Variants in PDXK observed in about 807,000 individuals in gnomAD.
The protein encoded by PDXK is pyridoxal kinase, also known as epididymis secretory sperm binding protein Li 1a.
PDXK carries 15 observed loss-of-function variants against 43.2 expected under a neutral mutation model. The observed-to-expected ratio is 0.35, with a 90% confidence interval of 0.23 to 0.53. PDXK has a LOEUF of 0.53. PDXK is among the 20% of genes least tolerant of loss of function. The pLI, the probability that PDXK is intolerant of heterozygous loss-of-function variation, is 0.92. For missense variants in PDXK, 343 were observed against 417.0 expected (o/e 0.82, Z 1.54); for synonymous variants, 172 against 165.4 (o/e 1.04, Z -0.31).
At chr21:43,731,595 C>A (rs1175094961) in intron 1 of PDXK, among the ~76,000 whole-genome samples, 1 of 152,096 alleles carries the variant, frequency 6.6e-6, no homozygotes, top group East Asian at 1.9e-4. Flanking sequence ...GGGCACCTGG[C>A]CTGTCTTTGT....
rs2276528 is a variant in PDXK at position 43,732,619 on chromosome 21, G to A, written c.88-1450G>A. On this transcript the variant is annotated intron_variant, in intron 1 of 10. Transcript: ENST00000291565. The surrounding 1 kb of genome is among the most constrained non-coding windows in gnomAD (Gnocchi z 4.1). ...CAGGATTTTCAGGATTTGTGTCATC[G>A]TTGCTTAATATCTGTTTCTTCACAG... 136,093 of 787,968 alleles carry A rather than the reference G, an allele frequency of 0.17. 13,661 individuals carry two copies. The highest frequency in any genetic ancestry group is 0.39 in the East Asian group (16,148 of 41,268). The allele number at this position is 787,968 out of a possible 1,614,324, so 48.8% of individuals were successfully genotyped here. A position where few individuals can be genotyped will look rare whatever the true frequency, so the allele number is the denominator to read the frequency against.
intron 7 of PDXK, among the ~76,000 whole-genome samples, chr21:43,750,783 G>GGT (rs66931044): frequency 0.57 from 79,710 of 140,570 alleles, 21,456 homozygotes; most frequent in East Asian, 0.7. Context: ...ATTGTGTGTG[G>GGT]GTGTGTGTGT....
In PDXK at chr21:43,732,323, G is replaced by A. The variant is rs2083329220; in HGVS notation, c.88-1746G>A. ...CTCCCGTCCTGGACCTTGGCACCCCGCCCCCCGTGCATTGTCGTCTTCTGA... is the reference window on the plus strand; with the variant it reads ...CTCCCGTCCTGGACCTTGGCACCCCACCCCCCGTGCATTGTCGTCTTCTGA... On this transcript the variant is annotated intron_variant, in intron 1 of 10. Transcript: ENST00000291565. The surrounding 1 kb of genome is among the most constrained non-coding windows in gnomAD (Gnocchi z 4.1). 11 of 1,603,806 alleles carry A rather than the reference G, an allele frequency of 6.9e-6. No individual in the cohort carries two copies. Among genetic ancestry groups the A allele is most frequent in the Admixed American group, 5.0e-5 (3 of 59,460 alleles).
intron 8 of PDXK, 149 bp from the exon 9 acceptor site, chr21:43,753,434 C>A: frequency 1.5e-6 from 1 of 657,344 alleles, no homozygotes; most frequent in Non-Finnish European, 2.5e-6. Flanking sequence ...CCCATGCATG[C>A]CCTGAGCCCC....
At position 43,719,776 on chromosome 21, in the gene PDXK, C is replaced by T. The variant is rs981892648; in HGVS notation, c.87+395C>T. 1.4e-5 allele frequency: 14 copies of T among 985,344 alleles called. 1 individual carries two copies. The South Asian group carries it at 6.6e-4, about 46-fold the overall frequency. 61.0% of individuals were successfully genotyped at this position (985,344 alleles called of 1,614,324 possible). On this transcript the variant is annotated intron_variant, in intron 1 of 10. Coordinates refer to ENST00000291565, the MANE Select transcript of PDXK (RefSeq NM_003681.5). ...GCCCCGAGGAGTCCCGGAGCAGTCA[C>T]GCGAGCCGGGACCTTGCCCCGCTGG... is the stretch of plus-strand genomic sequence containing the variant.
rs1444887611 is a variant in PDXK, at chr21:43,734,218, G to A, written c.142+95G>A. ...GTGAGGGACGGGGCGGAGTGTGGGT[G>A]TGAGGGACGGGGCTTTCGTGTGGAC... On this transcript the variant is annotated intron_variant, in intron 2 of 10. Transcript: ENST00000291565. This position sits in a 1 kb window ranked among gnomAD's most constrained non-coding sequence, Gnocchi z 5.0. 2.6e-6 allele frequency: 3 copies of A among 1,170,516 alleles called. No homozygotes were observed. The highest frequency in any genetic ancestry group is 1.7e-5 in the Admixed American group (1 of 57,494). 72.5% of individuals were successfully genotyped at this position (1,170,516 alleles called of 1,614,324 possible).
At position 43,742,572 on chromosome 21, in the gene PDXK, A is replaced by G. The variant is rs148206557; in HGVS notation, c.247+801A>G. On this transcript the variant is annotated intron_variant, in intron 3 of 10. Coordinates refer to ENST00000291565, the MANE Select transcript of PDXK (RefSeq NM_003681.5). Reference sequence around the variant, plus strand: ...GTGAGCCACTGCGCCCAGCCTCTCTACATGTCTAAAGGTCACATATAAGGC... The same window carrying G: ...GTGAGCCACTGCGCCCAGCCTCTCTGCATGTCTAAAGGTCACATATAAGGC... Among the ~76,000 whole-genome samples the G allele has an allele frequency of 3.8e-3, 583 of 152,278 alleles. 4 individuals carry two copies. The highest frequency in any genetic ancestry group is 0.013 in the African/African-American group (532 of 41,560).
At chr21:43,752,388 G>T in intron 7 of PDXK, 130 bp from the exon 8 acceptor site, 1 of 651,042 alleles carries the variant, frequency 1.5e-6, no homozygotes, top group Non-Finnish European at 2.8e-6. Flanking sequence ...GGCTCTGGGG[G>T]AGTGGGGTGT....
chr21:43,733,771 A>T, intron 1 of PDXK: 1 of 845,830 alleles, frequency 1.2e-6, no homozygotes, highest in Non-Finnish European at 1.7e-6. Flanking sequence ...GATTTCTGGA[A>T]TGATGCGTGA....
rs1382062822 is a variant in PDXK at position 43,723,141 on chromosome 21, CTT to C, written c.87+3764_87+3765del. ...GCATGGGGCCACCACGCCTGGCCTTCTTTTTCTTTTTCTTTCTTTTTTTTTTT... is the reference window on the plus strand; with the variant it reads ...GCATGGGGCCACCACGCCTGGCCTTCTTTCTTTTTCTTTCTTTTTTTTTTT... On this transcript the variant is annotated intron_variant, in intron 1 of 10. Coordinates refer to ENST00000291565, the MANE Select transcript of PDXK (RefSeq NM_003681.5). The surrounding 1 kb of genome is among the most constrained non-coding windows in gnomAD (Gnocchi z 4.1). Among the ~76,000 whole-genome samples the C allele has an allele frequency of 6.7e-6, 1 of 149,592 alleles. No individual in the cohort carries two copies. The highest frequency in any genetic ancestry group is 1.5e-5 in the Non-Finnish European group (1 of 67,686).
chr21:43,737,043 C>A lies in PDXK; in HGVS notation c.142+2920C>A, dbSNP rs1285985464. On this transcript the variant is annotated intron_variant, in intron 2 of 10. Coordinates refer to ENST00000291565, the MANE Select transcript of PDXK (RefSeq NM_003681.5). The surrounding 1 kb of genome is among the most constrained non-coding windows in gnomAD (Gnocchi z 4.8). Reference sequence around the variant, plus strand: ...GACCTCCTGGGCTGAAGCAATCTTTCTGCCTCCACCTCCCGAGTGGCTGGG... The same window carrying A: ...GACCTCCTGGGCTGAAGCAATCTTTATGCCTCCACCTCCCGAGTGGCTGGG... The A allele has an allele frequency of 2.8e-6, 2 of 725,448 alleles. No individual in the cohort carries two copies. Among genetic ancestry groups the A allele is most frequent in the Admixed American group, 4.0e-5 (2 of 50,036 alleles). The allele number at this position is 725,448 out of a possible 1,614,324, so 44.9% of individuals were successfully genotyped here.
rs1012137371 is a variant in PDXK, at chr21:43,760,896, A to C, written c.*4833A>C. 1 of 152,246 alleles carries C rather than the reference A, an allele frequency of 6.6e-6. No individual in the cohort carries two copies. The highest frequency in any genetic ancestry group is 2.4e-5 in the African/African-American group (1 of 41,460). The allele number at this position is 152,246 out of a possible 1,614,324, so 9.4% of individuals were successfully genotyped here. On this transcript the variant is annotated 3_prime_UTR_variant, in exon 11 of 11. Transcript: ENST00000291565. ...CGACTCTGCAGTTTGTTCTCAGAGC[A>C]GAATGTTTCCTGTTCTCAGTGCACA...
chr21:43,746,060 T>C lies in PDXK; in HGVS notation c.332-19T>C, dbSNP rs761697028. 1 of 1,606,214 alleles carries C rather than the reference T, an allele frequency of 6.2e-7. No homozygotes were observed. The highest frequency in any genetic ancestry group is 8.5e-7 in the Non-Finnish European group (1 of 1,172,722). On this transcript the variant is annotated intron_variant, in intron 4 of 10. Transcript: ENST00000291565. Reference sequence around the variant, plus strand: ...TCAGCTGTAGCCTTTGCTGATAAGATGCCCTTGTGTCTCTGCAGTGTGTGA... The same window carrying C: ...TCAGCTGTAGCCTTTGCTGATAAGACGCCCTTGTGTCTCTGCAGTGTGTGA...
At position 43,741,776 on chromosome 21, in the gene PDXK, G is replaced by A; in HGVS notation, c.247+5G>A. On this transcript the variant is annotated splice_donor_5th_base_variant and intron_variant, in intron 3 of 10. Transcript: ENST00000291565. ...AATATGACTACGTGCTCACAGGTAG[G>A]TGCCGGAGCAAGCTGCCGCAGGGGA... 2 of 1,585,846 alleles carry A rather than the reference G, an allele frequency of 1.3e-6. No individual in the cohort carries two copies. The highest frequency in any genetic ancestry group is 1.7e-6 in the Non-Finnish European group (2 of 1,157,212).
At position 43,756,207 on chromosome 21, in the gene PDXK, T is replaced by C. The variant is rs537455251; in HGVS notation, c.*144T>C. The C allele has an allele frequency of 1.2e-5, 7 of 574,326 alleles. No individual in the cohort carries two copies. The South Asian group carries it at 1.5e-4, about 13-fold the overall frequency. The allele number at this position is 574,326 out of a possible 1,614,324, so 35.6% of individuals were successfully genotyped here. A position where few individuals can be genotyped will look rare whatever the true frequency, so the allele number is the denominator to read the frequency against. ...AGTGTCCGGCATCTGCTGGTCTTCA[T>C]TGTGAAACGTGCCAGTCGTGCTTTG... On this transcript the variant is annotated 3_prime_UTR_variant, in exon 11 of 11. Coordinates refer to ENST00000291565, the MANE Select transcript of PDXK (RefSeq NM_003681.5).
In PDXK at chr21:43,755,958, C is replaced by G. The variant is rs146321963; in HGVS notation, c.834C>G (p.Ala278=). 6.2e-7 allele frequency: 1 copy of G among 1,608,582 alleles called. No homozygotes were observed. Among genetic ancestry groups the G allele is most frequent in the Non-Finnish European group, 8.5e-7 (1 of 1,176,442 alleles). ...TCTCTGCCTGCCCCGCAGCCCAGGC[C>G]GGGGAAGGAGTGAGGCCCAGCCCCA... ...QRTIQCAKAQ[A]GEGVRPSPMQ... The change falls in exon 11 of 11, where the codon GCC becomes GCG. Residue 278 remains alanine, a synonymous_variant. Coordinates refer to ENST00000291565, the MANE Select transcript of PDXK (RefSeq NM_003681.5).
intron 4 of PDXK, chr21:43,745,664 G>A (rs539527547): frequency 5.7e-4 from 102 of 179,928 alleles, no homozygotes; most frequent in Non-Finnish European, 9.8e-4. Flanking sequence ...GTTAAAAAAG[G>A]GAAGATACCT....
chr21:43,741,807 C>A, intron 3 of PDXK, 36 bp downstream of exon 3: 2 of 1,376,440 alleles, frequency 1.5e-6, no homozygotes, highest in Non-Finnish European at 2.1e-6. Flanking sequence ...GGGGACTACG[C>A]ACCCCACTCC....
At position 43,750,506 on chromosome 21, in the gene PDXK, G is replaced by T. The variant is rs1480624300; in HGVS notation, c.471G>T (p.Leu157=). 6.2e-7 allele frequency: 1 copy of T among 1,612,532 alleles called. No individual in the cohort carries two copies. The highest frequency in any genetic ancestry group is 8.5e-7 in the Non-Finnish European group (1 of 1,179,270). ...GTCCCCGCCTGTCTTCCAGGTTACT[G>T]AGTGGCCGGAAGATCCACAGCCAGG... ...ITPNQFEAEL[L]SGRKIHSQEE... Residue 157 remains leucine (L), a synonymous_variant, in exon 7 of 11, where the codon CTG becomes CTT. Coordinates refer to ENST00000291565, the MANE Select transcript of PDXK (RefSeq NM_003681.5).
Sources: gnomAD v4.1 joint callset for allele counts (sites outside exome capture counted in the v4.1 genomes callset) on GRCh38, gnomAD v4.1.1 for gene constraint, Gnocchi (gnomAD v3.1) non-coding constraint, MANE v1.5 for transcripts, NCBI Gene and HGNC (gene_info 2026-07-23, HGNC 2026-07-21) for gene names.